ALOX5: variants seen among roughly 807,000 people sequenced by gnomAD.
ALOX5 encodes the protein arachidonate 5-lipoxygenase.
A neutral mutation model predicts 87.9 loss-of-function variants in ALOX5; 64 were observed. That is an observed-to-expected ratio of 0.73 (90% CI 0.60 to 0.90). The LOEUF (loss-of-function observed/expected upper bound fraction) is 0.90, where lower values mean the gene tolerates loss of function less well. ALOX5 is among the 40% of genes least tolerant of loss of function. ALOX5 has a pLI of 0.00. For synonymous variants in ALOX5, 388 were observed against 355.1 expected, an observed-to-expected ratio of 1.09 and a Z score of -1.04; for missense variants, 822 against 907.5, an observed-to-expected ratio of 0.91 and a Z score of 1.21.
chr10:45,401,020 T>G (rs1403199085), intron 3 of ALOX5, among the ~76,000 whole-genome samples: 1 of 152,192 alleles, frequency 6.6e-6, no homozygotes, highest in Non-Finnish European at 1.5e-5. Context: ...TGGAAATGGG[T>G]GGCTGATGGG....
At chr10:45,422,233 G>C (rs770333622) in intron 4 of ALOX5, among the ~76,000 whole-genome samples, 6 of 152,152 alleles carry the variant, frequency 3.9e-5, no homozygotes, top group Non-Finnish European at 7.4e-5. Flanking sequence ...AGACAACAGA[G>C]CTGGGATGTC....
Position 45,444,056 on chromosome 10 carries a change from G to GGGGCAGCT in ALOX5, c.1675-52_1675-45dup, listed in dbSNP as rs1470106797. On this transcript the variant is annotated intron_variant, in intron 12 of 13. Transcript: ENST00000374391. ...GGGGCACGGGGAGGACGGGGCCCAG[G>GGGGCAGCT]GGGCAGCTGGGCAGCAGGGCTTCGG... 4.0e-5 allele frequency: 60 copies of GGGGCAGCT among 1,485,520 alleles called. 1 individual carries two copies. In the African/African-American group the frequency reaches 6.6e-4, roughly 16 times the overall value. The allele number at this position is 1,485,520 out of a possible 1,614,324, so 92.0% of individuals were successfully genotyped here.
intron 3 of ALOX5, among the ~76,000 whole-genome samples, chr10:45,398,072 C>T (rs1389476398): frequency 1.3e-5 from 2 of 152,158 alleles, no homozygotes; most frequent in East Asian, 3.9e-4. Context: ...AGATGGAGGA[C>T]TTGCACTTCT....
chr10:45,420,902 G>A (rs12267314), intron 4 of ALOX5, among the ~76,000 whole-genome samples: 3 of 152,234 alleles, frequency 2.0e-5, no homozygotes, highest in East Asian at 1.9e-4. Flanking sequence ...GCAGAAATGC[G>A]GCCCGTCCTG....
At chr10:45,416,073 G>C (rs2132773596) in intron 4 of ALOX5, among the ~76,000 whole-genome samples, 1 of 152,312 alleles carries the variant, frequency 6.6e-6, no homozygotes, top group South Asian at 2.1e-4. Context: ...CCAGCAGGTA[G>C]ACGAGGCTGA....
At chr10:45,394,218 C>T (rs1177840003) in intron 2 of ALOX5, among the ~76,000 whole-genome samples, 7 of 152,298 alleles carry the variant, frequency 4.6e-5, no homozygotes, top group Admixed American at 4.6e-4. Context: ...TACAAGGCTA[C>T]AGTAACCAAA....
In ALOX5 at chr10:45,443,750, C is replaced by T; in HGVS notation, c.1596C>T (p.Ser532=). Residue 532 remains serine (S), a synonymous_variant, in exon 12 of 14, where the codon AGC becomes AGT. Transcript: ENST00000374391. The part of the protein sequence containing the change: ...KSSGFPKSVK[S]REQLSEYLTV... Reference sequence around the variant, plus strand: ...TAGGCTTCCCCAAGTCGGTCAAGAGCCGGGAGCAGCTGTCGGAGTACCTGA... The same window carrying T: ...TAGGCTTCCCCAAGTCGGTCAAGAGTCGGGAGCAGCTGTCGGAGTACCTGA... The T allele has an allele frequency of 1.2e-6, 2 of 1,612,198 alleles. No homozygotes were observed. Among genetic ancestry groups the T allele is most frequent in the Non-Finnish European group, 1.7e-6 (2 of 1,179,354 alleles).
chr10:45,381,193 C>T (rs1839815028), intron 1 of ALOX5, among the ~76,000 whole-genome samples: 2 of 152,226 alleles, frequency 1.3e-5, no homozygotes, highest in Admixed American at 1.3e-4. Flanking sequence ...GCGCTGTACA[C>T]AGCCTGGGGT....
Position 45,445,761 on chromosome 10 carries a change from C to A in ALOX5, c.*74C>A. 6.7e-7 allele frequency: 1 copy of A among 1,493,026 alleles called. No individual in the cohort carries two copies. The allele number at this position is 1,493,026 out of a possible 1,614,324, so 92.5% of individuals were successfully genotyped here. A position where few individuals can be genotyped will look rare whatever the true frequency, so the allele number is the denominator to read the frequency against. On this transcript the variant is annotated 3_prime_UTR_variant, in exon 14 of 14. Transcript: ENST00000374391. ...GACTCCAGCCTGCCTGGCAGGCTGT[C>A]TGGCCAGGCCTCTTGGCAGTCACAT...
chr10:45,395,792 C>T, intron 2 of ALOX5, 63 bp from the exon 3 acceptor site: 1 of 1,474,438 alleles, frequency 6.8e-7, no homozygotes, highest in Non-Finnish European at 9.5e-7. Flanking sequence ...AGCCTGAACA[C>T]TTGGCATTGG....
chr10:45,386,997 G>C (rs1184437745), intron 2 of ALOX5, among the ~76,000 whole-genome samples: 1 of 152,222 alleles, frequency 6.6e-6, no homozygotes, highest in Non-Finnish European at 1.5e-5. Flanking sequence ...CCTCAGGCCA[G>C]TGATGACTAT....
intron 7 of ALOX5, among the ~76,000 whole-genome samples, chr10:45,433,268 G>A (rs143210835): frequency 2.5e-4 from 38 of 152,168 alleles, no homozygotes; most frequent in African/African-American, 8.2e-4. Flanking sequence ...GGCCAGCACC[G>A]GAGCAAGGTC....
At chr10:45,405,257 T>C (rs1589010602) in intron 3 of ALOX5, among the ~76,000 whole-genome samples, 1 of 152,328 alleles carries the variant, frequency 6.6e-6, no homozygotes, top group Non-Finnish European at 1.5e-5. Flanking sequence ...AAAAATCCTT[T>C]CACAAAATTG....
intron 7 of ALOX5, among the ~76,000 whole-genome samples, chr10:45,435,261 A>AT (rs1395778685): frequency 7.1e-6 from 1 of 140,564 alleles, no homozygotes; most frequent in Non-Finnish European, 1.5e-5. Flanking sequence ...TGGTCAGAAC[A>AT]GTTTTTTTTT....
At chr10:45,384,502 G>A (rs1354639901) in intron 2 of ALOX5, among the ~76,000 whole-genome samples, 4 of 152,206 alleles carry the variant, frequency 2.6e-5, no homozygotes, top group Admixed American at 2.6e-4. Context: ...GAAGGGGGCT[G>A]GGCCTTCTTC....
intron 3 of ALOX5, among the ~76,000 whole-genome samples, chr10:45,409,925 G>A (rs1202778708): frequency 6.6e-5 from 10 of 152,256 alleles, no homozygotes; most frequent in Non-Finnish European, 2.9e-5. Flanking sequence ...CCACACAAGT[G>A]GGGCATTTCT....
rs1393186228 is a variant in ALOX5, at chr10:45,440,608, T to C, written c.1160T>C (p.Leu387Pro). ...EVFGIAMYRQ[L>P]PAVHPIFKLL... The stretch of plus-strand genomic sequence containing the variant: ...TTTGGCATTGCAATGTACCGCCAGC[T>C]GCCTGCTGTGCACCCCATTTTCAAG... The change falls in exon 8 of 14, where the codon CTG (leucine) becomes CCG (proline). Residue 387 changes from leucine to proline, a missense_variant. Transcript: ENST00000374391. 6 of 1,614,084 alleles carry C rather than the reference T, an allele frequency of 3.7e-6. No homozygotes were observed. The highest frequency in any genetic ancestry group is 5.1e-6 in the Non-Finnish European group (6 of 1,180,044).
At chr10:45,377,148 A>T (rs1017747475) in intron 1 of ALOX5, among the ~76,000 whole-genome samples, 1 of 152,218 alleles carries the variant, frequency 6.6e-6, no homozygotes, top group Non-Finnish European at 1.5e-5. Context: ...ACAAGTGTAG[A>T]AAAGTGTTAT....
Position 45,445,681 on chromosome 10 carries a change from C to T in ALOX5, c.2019C>T (p.Ala673=). 1.2e-6 allele frequency: 2 copies of T among 1,610,094 alleles called. No individual in the cohort carries two copies. Among genetic ancestry groups the T allele is most frequent in the Non-Finnish European group, 1.7e-6 (2 of 1,176,930 alleles). Residue 673 remains alanine, a synonymous_variant, in exon 14 of 14, where the codon GCC becomes GCT. Transcript: ENST00000374391. Reference sequence around the variant, plus strand: ...CAGACCGGATTCCGAACAGTGTGGCCATCTGAGCACACTGCCAGTCTCACT... The same window carrying T: ...CAGACCGGATTCCGAACAGTGTGGCTATCTGAGCACACTGCCAGTCTCACT... ...LSPDRIPNSV[A]I is the part of the protein sequence containing the mutation.
Sources: gnomAD v4.1 joint callset for allele counts (sites outside exome capture counted in the v4.1 genomes callset) on GRCh38, gnomAD v4.1.1 for gene constraint, MANE v1.5 for transcripts, NCBI Gene and HGNC (gene_info 2026-07-23, HGNC 2026-07-21) for gene names.